Variants in CCDC150 observed in about 807,000 individuals in gnomAD.
CCDC150 encodes coiled-coil domain containing 150, also known as coiled-coil domain-containing protein 150.
A neutral mutation model predicts 156.5 loss-of-function variants in CCDC150; 151 were observed. That is an observed-to-expected ratio of 0.97 (90% CI 0.85 to 1.10). The LOEUF is 1.10. CCDC150 is among the 50% of genes least tolerant of loss of function. The pLI, the probability that CCDC150 is intolerant of heterozygous loss-of-function variation, is 0.00. For missense variants in CCDC150, 1,312 were observed against 1,268.1 expected (o/e 1.03, Z -0.53); for synonymous variants, 452 against 429.4 (o/e 1.05, Z -0.65).
intron 13 of CCDC150, among the ~76,000 whole-genome samples, chr2:196,679,206 G>A (rs1694675962): frequency 1.3e-5 from 2 of 151,990 alleles, no homozygotes; most frequent in African/African-American, 4.8e-5. Context: ...CCCTTTTTTA[G>A]TGTATAGTTC....
intron 13 of CCDC150, among the ~76,000 whole-genome samples, chr2:196,688,073 C>G (rs1265795202): frequency 6.6e-6 from 1 of 152,094 alleles, no homozygotes; most frequent in African/African-American, 2.4e-5. Flanking sequence ...TTAGGATTTT[C>G]TTAGCTGTTC....
chr2:196,669,810 T>A (rs1559228656), intron 7 of CCDC150, 23 bp from the exon 8 acceptor site: 3 of 1,522,974 alleles, frequency 2.0e-6, no homozygotes, highest in Non-Finnish European at 2.7e-6. Context: ...ATTATCATAG[T>A]TATGTGGAAT....
chr2:196,731,373 G>A (rs886774245), intron 26 of CCDC150, among the ~76,000 whole-genome samples: 2 of 144,340 alleles, frequency 1.4e-5, no homozygotes, highest in Non-Finnish European at 3.0e-5. Flanking sequence ...AGCCTTTTGG[G>A]GGGTATTTCA....
chr2:196,703,507 C>T (rs1259661886), intron 15 of CCDC150, among the ~76,000 whole-genome samples: 1 of 152,126 alleles, frequency 6.6e-6, no homozygotes, highest in Non-Finnish European at 1.5e-5. Flanking sequence ...GATAAGCACA[C>T]CTCTCTTATC....
Position 196,656,974 on chromosome 2 carries a change from A to G in CCDC150, c.414A>G (p.Arg138=), listed in dbSNP as rs771795597. ...GTCTGGTAGCTTTTCTGAAAGATCG[A>G]CTGAATGCAATACAGGAAGAGCATT... is the stretch of plus-strand genomic sequence containing the variant. ...NPQKTAFLKD[R]LNAIQEEHSK... is the part of the protein sequence containing the mutation. The change falls in exon 4 of 28, where the codon CGA becomes CGG. Residue 138 remains arginine (R), a synonymous_variant. Transcript: ENST00000389175. 5 of 1,613,440 alleles carry G rather than the reference A, an allele frequency of 3.1e-6. No homozygotes were observed. The South Asian group carries it at 4.4e-5, about 14-fold the overall frequency.
rs879650586 is a variant in CCDC150, at chr2:196,732,527, C to T, written c.3271C>T (p.Pro1091Ser). ...WERKQNLRPM[P>S]KKYHSEVQRK is the part of the protein sequence containing the mutation. ...GAGAAAACAGAATCTTAGGCCCATGCCCAAGAAGTATCATTCTGAGGTACA... is the reference window on the plus strand; with the variant it reads ...GAGAAAACAGAATCTTAGGCCCATGTCCAAGAAGTATCATTCTGAGGTACA... The change falls in exon 28 of 28, where the codon CCC becomes TCC. Residue 1091 changes from proline to serine, a missense_variant. By Grantham distance (74) the Pro-to-Ser change is moderately conservative (BLOSUM62 -1). Transcript: ENST00000389175. 1.4e-5 allele frequency: 22 copies of T among 1,613,136 alleles called. No individual in the cohort carries two copies. The highest frequency in any genetic ancestry group is 1.9e-5 in the Non-Finnish European group (22 of 1,179,300).
At chr2:196,706,365 A>G (rs1696632769) in intron 15 of CCDC150, among the ~76,000 whole-genome samples, 1 of 152,198 alleles carries the variant, frequency 6.6e-6, no homozygotes. Context: ...TTGATTTTGT[A>G]TCCTGAGACT....
intron 11 of CCDC150, 82 bp from the exon 12 acceptor site, chr2:196,676,472 T>C (rs1694510532): frequency 7.3e-7 from 1 of 1,365,044 alleles, no homozygotes; most frequent in African/African-American, 1.5e-5. Context: ...AGGAAATATG[T>C]TCTATAAGAA....
At chr2:196,640,485 C>G (rs1692148845) in intron 1 of CCDC150, among the ~76,000 whole-genome samples, 1 of 152,178 alleles carries the variant, frequency 6.6e-6, no homozygotes. Flanking sequence ...AAATTAGTCT[C>G]CAGTCCACAC....
At chr2:196,676,942 G>C (rs1205268656) in intron 12 of CCDC150, among the ~76,000 whole-genome samples, 1 of 152,222 alleles carries the variant, frequency 6.6e-6, no homozygotes, top group Non-Finnish European at 1.5e-5. Context: ...TCCGGCGTTA[G>C]TGAATGTTAA....
rs1023385019 is a variant in CCDC150, at chr2:196,665,610, T to G, written c.689T>G (p.Leu230Ter). The change falls in exon 6 of 28, where the codon TTA becomes TGA. Residue 230 changes from leucine to a stop codon, truncating the protein, a stop_gained. Coordinates refer to ENST00000389175, the MANE Select transcript of CCDC150 (RefSeq NM_001080539.2). LOFTEE classifies it high-confidence loss of function. ...CAGGAGAAGTACCTTAGGGAATCTT[T>G]AGAGAAATCAGCATCAGCCATGCTC... ...LAQEKYLRES[L>*]EKSASAMLLK... is the part of the protein sequence containing the mutation. 4 of 1,606,248 alleles carry G rather than the reference T, an allele frequency of 2.5e-6. No individual in the cohort carries two copies. The highest frequency in any genetic ancestry group is 2.7e-5 in the African/African-American group (2 of 74,888).
chr2:196,712,345 A>G (rs1697186946), intron 16 of CCDC150, 93 bp downstream of exon 16: 1 of 689,922 alleles, frequency 1.4e-6, no homozygotes, highest in Non-Finnish European at 2.4e-6. Context: ...ACACAATCCC[A>G]GAAAGATAAA....
chr2:196,654,663 G>T (rs1354732245), intron 2 of CCDC150, among the ~76,000 whole-genome samples: 1 of 151,802 alleles, frequency 6.6e-6, no homozygotes, highest in East Asian at 1.9e-4. Flanking sequence ...CCTGACCTTG[G>T]GAGCATCTTT....
At chr2:196,717,630 G>A (rs1027229563) in intron 17 of CCDC150, among the ~76,000 whole-genome samples, 5 of 152,120 alleles carry the variant, frequency 3.3e-5, no homozygotes, top group South Asian at 2.1e-4. Context: ...GGTTTCTCGC[G>A]CCTGTAACCC....
At chr2:196,726,150 C>T (rs1559280526) in intron 22 of CCDC150, 51 bp downstream of exon 22, 1 of 1,598,292 alleles carries the variant, frequency 6.3e-7, no homozygotes. Context: ...TTAGGATAAG[C>T]AGCTCAAGGA....
Position 196,729,287 on chromosome 2 carries a change from T to C in CCDC150, c.2651T>C (p.Ile884Thr). Residue 884 changes from isoleucine to threonine, a missense_variant, in exon 23 of 28, where the codon ATA becomes ACA. By Grantham distance (89) the Ile-to-Thr change is moderately conservative. Coordinates refer to ENST00000389175, the MANE Select transcript of CCDC150 (RefSeq NM_001080539.2). The stretch of plus-strand genomic sequence containing the variant: ...CAGAAACTTGCAGAGCTAGAAAAAA[T>C]ACTAGAAAGTAACAAGGAGAAAATA... ...LRQKLAELEKILESNKEKIKN... is the reference protein window; with the variant it reads ...LRQKLAELEKTLESNKEKIKN... 6.2e-7 allele frequency: 1 copy of C among 1,609,202 alleles called. No homozygotes were observed. Among genetic ancestry groups the C allele is most frequent in the Non-Finnish European group, 8.5e-7 (1 of 1,178,068 alleles).
At chr2:196,678,025 C>G (rs1445421465) in intron 13 of CCDC150, among the ~76,000 whole-genome samples, 2 of 151,976 alleles carry the variant, frequency 1.3e-5, no homozygotes, top group Non-Finnish European at 2.9e-5. Context: ...CTAAGGCTGC[C>G]TAAGTACCTA....
intron 5 of CCDC150, among the ~76,000 whole-genome samples, chr2:196,661,991 A>G (rs1304713981): frequency 1.3e-5 from 2 of 152,242 alleles, no homozygotes; most frequent in East Asian, 1.9e-4. Flanking sequence ...ACAGTAATGC[A>G]ACTAAAATTT....
intron 9 of CCDC150, among the ~76,000 whole-genome samples, chr2:196,673,018 A>G (rs955547733): frequency 1.3e-5 from 2 of 152,182 alleles, no homozygotes; most frequent in African/African-American, 4.8e-5. Context: ...TCTTGGTACA[A>G]TTTGATTGTC....
Sources: gnomAD v4.1 joint callset for allele counts (sites outside exome capture counted in the v4.1 genomes callset) on GRCh38, gnomAD v4.1.1 for gene constraint, MANE v1.5 for transcripts, NCBI Gene and HGNC (gene_info 2026-07-23, HGNC 2026-07-21) for gene names.